The following THRB variants were observed in gnomAD, a reference collection of about 807,000 sequenced individuals.
THRB encodes the protein nuclear receptor subfamily 1 group A member 2.
In THRB, 12 loss-of-function variants were observed where a neutral mutation model predicts 47.8. The observed-to-expected ratio is 0.25, with a 90% CI of 0.16 to 0.41. The LOEUF is 0.41. Ranked by LOEUF, THRB falls within the 10% of genes least tolerant of loss-of-function variation. The pLI, the probability that THRB is intolerant of heterozygous loss-of-function variation, is 1.00. For missense variants in THRB, 348 were observed against 589.2 expected, an observed-to-expected ratio of 0.59 and a Z score of 4.24; for synonymous variants, 218 against 212.2, an observed-to-expected ratio of 1.03 and a Z score of -0.24.
chr3:24,143,453 GA>G (rs2035698324), intron 8 of THRB, 47 bp downstream of exon 8: 1 of 1,573,518 alleles, frequency 6.4e-7, no homozygotes, highest in Admixed American at 1.7e-5. Context: ...AATTGAGGTA[GA>G]AAACACTGGC....
rs529651896 is a variant in THRB, at chr3:24,117,183, T to A, written c.*5701A>T. 64 of 152,374 alleles carry A rather than the reference T, an allele frequency of 4.2e-4. No individual in the cohort carries two copies. Among genetic ancestry groups the A allele is most frequent in the African/African-American group, 1.5e-3 (63 of 41,586 alleles). The allele number at this position is 152,374 out of a possible 1,614,324, so 9.4% of individuals were successfully genotyped here. ...TTGGAAGGTGTTTATTTGGTTCATG[T>A]CCTGGCCAAATAAAAACTTGGAGAT... On this transcript the variant is annotated 3_prime_UTR_variant, in exon 11 of 11. Transcript: ENST00000646209.
intron 1 of THRB, among the ~76,000 whole-genome samples, chr3:24,482,205 T>A (rs758798887): frequency 6.6e-6 from 1 of 152,224 alleles, no homozygotes; most frequent in Non-Finnish European, 1.5e-5. Context: ...ACTTCCGTAA[T>A]AATGAAATAG....
intron 4 of THRB, among the ~76,000 whole-genome samples, chr3:24,204,552 A>G (rs542111738): frequency 6.6e-6 from 1 of 152,344 alleles, no homozygotes; most frequent in South Asian, 2.1e-4. Context: ...AAAGATGGGG[A>G]AAAAACAGAG....
chr3:24,410,818 AAAATTT>A (rs2068227777), intron 1 of THRB, among the ~76,000 whole-genome samples: 1 of 151,904 alleles, frequency 6.6e-6, no homozygotes, highest in South Asian at 2.1e-4. Context: ...AATTCACAAC[AAAATTT>A]TTAACAAAAA....
At chr3:24,155,403 A>G (rs2149146485) in intron 5 of THRB, among the ~76,000 whole-genome samples, 1 of 152,302 alleles carries the variant, frequency 6.6e-6, no homozygotes, top group Admixed American at 6.5e-5. Flanking sequence ...TCTGTAACAT[A>G]TTAACTCTGA....
At position 24,277,865 on chromosome 3, in the gene THRB, A is replaced by C. The variant is rs115716015; in HGVS notation, c.-43+19361T>G. Among the ~76,000 whole-genome samples, 911 of 152,328 alleles carry C rather than the reference A, an allele frequency of 6.0e-3. 14 individuals are homozygous for C. The highest frequency in any genetic ancestry group is 0.021 in the African/African-American group (858 of 41,578). On this transcript the variant is annotated intron_variant, in intron 3 of 10. Transcript: ENST00000646209. Reference sequence around the variant, plus strand: ...TCTAAGATTCAAGCTTGTTACAATAAATCAGCCCTTTGACATTTATCAAAT... The same window carrying C: ...TCTAAGATTCAAGCTTGTTACAATACATCAGCCCTTTGACATTTATCAAAT...
intron 1 of THRB, among the ~76,000 whole-genome samples, chr3:24,388,699 C>G (rs1451358161): frequency 3.3e-5 from 5 of 151,980 alleles, no homozygotes; most frequent in Non-Finnish European, 7.4e-5. Flanking sequence ...CTACTGGCAC[C>G]CTTCATTTAT....
chr3:24,117,301 T>C lies in THRB; in HGVS notation c.*5583A>G, dbSNP rs916004634. 5.3e-5 allele frequency: 8 copies of C among 152,266 alleles called. No individual in the cohort carries two copies. Among genetic ancestry groups the C allele is most frequent in the Non-Finnish European group, 1.2e-4 (8 of 68,048 alleles). The allele number at this position is 152,266 out of a possible 1,614,324, so 9.4% of individuals were successfully genotyped here. ...TGGTGTGGGCACTGGTTGCTTTTGC[T>C]TGCCCACCATTCTCTTCCACTTATA... On this transcript the variant is annotated 3_prime_UTR_variant, in exon 11 of 11. Coordinates refer to ENST00000646209, the MANE Select transcript of THRB (RefSeq NM_001354712.2).
intron 1 of THRB, among the ~76,000 whole-genome samples, chr3:24,398,180 A>G (rs956018718): frequency 2.6e-5 from 4 of 152,134 alleles, no homozygotes; most frequent in East Asian, 3.9e-4. Flanking sequence ...GAAGCATAGA[A>G]GAGGGAAAAT....
intron 4 of THRB, among the ~76,000 whole-genome samples, chr3:24,225,105 AGTG>A (rs988566318): frequency 1.3e-5 from 2 of 152,212 alleles, no homozygotes; most frequent in African/African-American, 4.8e-5. Flanking sequence ...CAGAAATGCG[AGTG>A]GTGAATAAAC....
At chr3:24,273,589 A>G (rs909376461) in intron 3 of THRB, among the ~76,000 whole-genome samples, 6 of 152,218 alleles carry the variant, frequency 3.9e-5, no homozygotes, top group Non-Finnish European at 7.3e-5. Context: ...GTGAAGACAG[A>G]AAGTTTTTTC....
At chr3:24,227,086 CCATTTCATATGT>C (rs1447258036) in intron 4 of THRB, among the ~76,000 whole-genome samples, 11 of 151,910 alleles carry the variant, frequency 7.2e-5, no homozygotes, top group Admixed American at 6.6e-5. Flanking sequence ...CCATGTTTTG[CCATTTCATATGT>C]CTTGGGGTAT....
rs368652814 is a variant in THRB at position 24,127,790 on chromosome 3, A to G, written c.886-33T>C. 180 of 1,613,646 alleles carry G rather than the reference A, an allele frequency of 1.1e-4. No homozygotes were observed. The African/African-American group carries it at 2.3e-3, about 20-fold the overall frequency. The stretch of plus-strand genomic sequence containing the variant: ...GAACCAGTTCATGTCAGCAAAGAAC[A>G]AATGCAAAAATGCCAGTCAGGAACA... On this transcript the variant is annotated intron_variant, in intron 9 of 10. Coordinates refer to ENST00000646209, the MANE Select transcript of THRB (RefSeq NM_001354712.2).
chr3:24,446,552 A>T (rs1235347677), intron 1 of THRB, among the ~76,000 whole-genome samples: 1 of 116,232 alleles, frequency 8.6e-6, no homozygotes, highest in Admixed American at 1.0e-4. Flanking sequence ...CATTGGAAAG[A>T]TCTTTCTCAA....
intron 3 of THRB, among the ~76,000 whole-genome samples, chr3:24,246,230 T>A (rs2050099968): frequency 1.3e-5 from 2 of 152,180 alleles, no homozygotes; most frequent in South Asian, 4.1e-4. Flanking sequence ...TCTGGATAAC[T>A]GAGTATTGGG....
intron 1 of THRB, among the ~76,000 whole-genome samples, chr3:24,373,748 T>C (rs1488810770): frequency 1.3e-5 from 2 of 152,148 alleles, no homozygotes; most frequent in African/African-American, 4.8e-5. Flanking sequence ...GGATGAACTG[T>C]AACCTAGCTT....
intron 3 of THRB, among the ~76,000 whole-genome samples, chr3:24,273,123 GAATTA>G (rs1177317565): frequency 6.6e-6 from 1 of 151,474 alleles, no homozygotes; most frequent in African/African-American, 2.4e-5. Context: ...AGGTTGCTAT[GAATTA>G]AACACACACA....
chr3:24,134,567 G>A (rs187860541), intron 8 of THRB, among the ~76,000 whole-genome samples: 3 of 152,232 alleles, frequency 2.0e-5, no homozygotes, highest in East Asian at 1.9e-4. Flanking sequence ...CGATCTGGGT[G>A]GCCCTGACTC....
intron 3 of THRB, among the ~76,000 whole-genome samples, chr3:24,234,103 T>A (rs1316290336): frequency 6.6e-6 from 1 of 152,170 alleles, no homozygotes. Context: ...CTTCAAATTC[T>A]CCTTTAAAGC....
Sources: allele counts gnomAD v4.1 joint callset (sites outside exome capture counted in the v4.1 genomes callset), GRCh38; gene constraint gnomAD v4.1.1; transcripts MANE v1.5; gene names NCBI Gene and HGNC (gene_info 2026-07-23, HGNC 2026-07-21).